PTPRT: variants seen among roughly 807,000 people sequenced by gnomAD.
PTPRT encodes receptor-type tyrosine-protein phosphatase T.
Under a neutral mutation model 176.8 loss-of-function variants are expected in PTPRT, and 56 were observed. The observed-to-expected ratio is 0.32, with a 90% CI of 0.26 to 0.40. PTPRT has a LOEUF of 0.40. Ranked by LOEUF, PTPRT falls within the 10% of genes least tolerant of loss-of-function variation. The pLI is 1.00. For synonymous variants in PTPRT, 783 were observed against 739.0 expected (o/e 1.06, Z -0.96); for missense variants, 1,540 against 1,908.2 (o/e 0.81, Z 3.60).
intron 1 of PTPRT, among the ~76,000 whole-genome samples, chr20:43,083,329 T>TATATATATATATATACAC: frequency 1.4e-5 from 1 of 72,808 alleles, no homozygotes; most frequent in African/African-American, 9.3e-5. Flanking sequence ...TGTATATATA[T>TATATATATATATATACAC]ATATATATAT....
intron 8 of PTPRT, among the ~76,000 whole-genome samples, chr20:42,470,626 T>A (rs987163239): frequency 1.3e-5 from 2 of 152,062 alleles, no homozygotes; most frequent in African/African-American, 4.8e-5. Context: ...AACTGGCGAA[T>A]TCTATGCTAT....
chr20:42,730,187 G>A (rs573737466), intron 6 of PTPRT, among the ~76,000 whole-genome samples: 1 of 152,260 alleles, frequency 6.6e-6, no homozygotes, highest in East Asian at 1.9e-4. Flanking sequence ...CCTTATTCTG[G>A]TCTGACTGAC....
chr20:42,394,021 G>A (rs2145680590), intron 9 of PTPRT, among the ~76,000 whole-genome samples: 1 of 150,782 alleles, frequency 6.6e-6, no homozygotes, highest in Middle Eastern at 3.4e-3. Context: ...AATGCACAAA[G>A]TCTATGAAGA....
At chr20:42,379,652 G>A (rs1377554035) in intron 9 of PTPRT, among the ~76,000 whole-genome samples, 4 of 152,140 alleles carry the variant, frequency 2.6e-5, no homozygotes, top group Non-Finnish European at 5.9e-5. Flanking sequence ...GGCCCTGGCC[G>A]GGTGATTGGG....
chr20:42,722,045 G>T (rs2076311199), intron 6 of PTPRT, among the ~76,000 whole-genome samples: 1 of 152,064 alleles, frequency 6.6e-6, no homozygotes. Flanking sequence ...TCCCTTCCTT[G>T]CAGCATCTAG....
At chr20:42,823,099 G>A (rs1178814114) in intron 2 of PTPRT, among the ~76,000 whole-genome samples, 1 of 152,160 alleles carries the variant, frequency 6.6e-6, no homozygotes, top group East Asian at 1.9e-4. Flanking sequence ...TATGTTTAGT[G>A]CAGCACTATT....
chr20:42,162,877 C>T (rs1989665340), intron 16 of PTPRT, among the ~76,000 whole-genome samples: 1 of 152,238 alleles, frequency 6.6e-6, no homozygotes. Flanking sequence ...TTCTCGGCAG[C>T]AGCATCGGCA....
At chr20:42,607,335 T>C (rs1316847998) in intron 7 of PTPRT, 1 of 152,142 alleles carries the variant, frequency 6.6e-6, no homozygotes, top group Admixed American at 6.5e-5. Context: ...ATTAAGATGG[T>C]ATATTTTATG....
intron 7 of PTPRT, among the ~76,000 whole-genome samples, chr20:42,615,093 C>G (rs867116008): frequency 7.9e-5 from 8 of 100,684 alleles, no homozygotes; most frequent in South Asian, 4.7e-4. Context: ...CCCCTCCCCC[C>G]ACCCCACCAC....
At chr20:42,927,290 G>T (rs962902970) in intron 1 of PTPRT, among the ~76,000 whole-genome samples, 3 of 152,206 alleles carry the variant, frequency 2.0e-5, no homozygotes, top group Non-Finnish European at 4.4e-5. Flanking sequence ...GGCTGGGTGT[G>T]GTGGTGCACG....
intron 16 of PTPRT, among the ~76,000 whole-genome samples, chr20:42,195,121 G>T (rs567133592): frequency 9.9e-5 from 15 of 152,166 alleles, no homozygotes; most frequent in Admixed American, 7.9e-4. Context: ...TAACCTGCAC[G>T]TTGTGCACAT....
At chr20:42,436,400 C>A (rs962050136) in intron 9 of PTPRT, among the ~76,000 whole-genome samples, 1 of 152,028 alleles carries the variant, frequency 6.6e-6, no homozygotes, top group Non-Finnish European at 1.5e-5. Context: ...GAAAAGTAGG[C>A]AAAAGACATG....
At chr20:43,043,143 C>T (rs1319378904) in intron 1 of PTPRT, among the ~76,000 whole-genome samples, 1 of 152,132 alleles carries the variant, frequency 6.6e-6, no homozygotes, top group Non-Finnish European at 1.5e-5. Context: ...AAGCGAGGTG[C>T]ACCAGATGCC....
chr20:42,131,902 A>C (rs1174497664), intron 18 of PTPRT, among the ~76,000 whole-genome samples: 1 of 152,156 alleles, frequency 6.6e-6, no homozygotes, highest in Admixed American at 6.5e-5. Context: ...GTGAAGGCAG[A>C]TATCCTGAAA....
At chr20:43,107,855 A>G (rs78742850) in intron 1 of PTPRT, among the ~76,000 whole-genome samples, 3,709 of 152,306 alleles carry the variant, frequency 0.024, 166 homozygotes, top group African/African-American at 0.084. Context: ...CATGCTTAAT[A>G]TTTGCTTAGG....
At chr20:42,493,722 C>CTG in intron 7 of PTPRT, among the ~76,000 whole-genome samples, 5 of 151,496 alleles carry the variant, frequency 3.3e-5, no homozygotes, top group African/African-American at 1.2e-4. Context: ...TTCTTAACCA[C>CTG]ATCCATCCAA....
At chr20:42,397,380 A>G (rs1200447035) in intron 9 of PTPRT, among the ~76,000 whole-genome samples, 3 of 152,156 alleles carry the variant, frequency 2.0e-5, no homozygotes, top group Non-Finnish European at 2.9e-5. Context: ...TGAGGGTTGG[A>G]TACCAATGAA....
At chr20:42,930,468 T>A (rs1024469450) in intron 1 of PTPRT, among the ~76,000 whole-genome samples, 2 of 151,886 alleles carry the variant, frequency 1.3e-5, no homozygotes, top group Admixed American at 1.3e-4. Context: ...TTACTTTTTT[T>A]ACTTATTTCT....
intron 12 of PTPRT, 89 bp from the exon 13 acceptor site, chr20:42,282,614 T>A: frequency 1.5e-5 from 15 of 996,264 alleles, no homozygotes; most frequent in Non-Finnish European, 2.3e-5. Context: ...TATATTTGCA[T>A]ATATATTCAT....
Sources: gnomAD v4.1 joint callset for allele counts (sites outside exome capture counted in the v4.1 genomes callset) on GRCh38, gnomAD v4.1.1 for gene constraint, MANE v1.5 for transcripts, NCBI Gene and HGNC (gene_info 2026-07-23, HGNC 2026-07-21) for gene names.